CCDC91: variants seen among roughly 807,000 people sequenced by gnomAD.
CCDC91 encodes coiled-coil domain containing 91.
CCDC91 carries 48 observed loss-of-function variants against 63.2 expected under a neutral mutation model. That is an observed-to-expected ratio of 0.76 (90% confidence interval 0.60 to 0.97). The LOEUF is 0.97. CCDC91 is among the 50% of genes least tolerant of loss of function. The probability of loss-of-function intolerance (pLI) is 0.00; values close to 1 mark genes in which losing one functional copy is unlikely to be tolerated. For synonymous variants in CCDC91, 167 were observed against 165.8 expected, an observed-to-expected ratio of 1.01 and a Z score of -0.06; for missense variants, 500 against 494.6, an observed-to-expected ratio of 1.01 and a Z score of -0.10.
At chr12:28,267,729 T>C (rs867858727) in intron 3 of CCDC91, among the ~76,000 whole-genome samples, 2 of 30,954 alleles carry the variant, frequency 6.5e-5, no homozygotes, top group East Asian at 2.5e-3. Context: ...ATATATTATT[T>C]ATTATATATA....
intron 12 of CCDC91, among the ~76,000 whole-genome samples, chr12:28,544,266 AC>A (rs972529178): frequency 1.3e-4 from 19 of 151,156 alleles, no homozygotes; most frequent in African/African-American, 4.6e-4. Context: ...CCAAGTCTGC[AC>A]CCCCCTTTTG....
chr12:28,325,863 G>A (rs1940945481), intron 6 of CCDC91, among the ~76,000 whole-genome samples: 1 of 151,982 alleles, frequency 6.6e-6, no homozygotes, highest in East Asian at 1.9e-4. Context: ...TTCTATTTTA[G>A]TTGTGTTTAA....
At chr12:28,377,713 C>T (rs569583494) in intron 7 of CCDC91, among the ~76,000 whole-genome samples, 1 of 152,014 alleles carries the variant, frequency 6.6e-6, no homozygotes, top group South Asian at 2.1e-4. Flanking sequence ...AAGCAGAATA[C>T]ATTTTAAAAA....
At chr12:28,284,653 C>G (rs1228180637) in intron 3 of CCDC91, among the ~76,000 whole-genome samples, 1 of 134,834 alleles carries the variant, frequency 7.4e-6, no homozygotes, top group Non-Finnish European at 1.6e-5. Context: ...AACTAGGTCT[C>G]AAAAAAAAAA....
At chr12:28,536,627 T>G (rs1942200082) in intron 12 of CCDC91, among the ~76,000 whole-genome samples, 1 of 152,198 alleles carries the variant, frequency 6.6e-6, no homozygotes, top group Non-Finnish European at 1.5e-5. Context: ...TACTGCCTAC[T>G]TAATTTATGA....
At chr12:28,328,023 A>G (rs1468223630) in intron 6 of CCDC91, among the ~76,000 whole-genome samples, 1 of 152,116 alleles carries the variant, frequency 6.6e-6, no homozygotes, top group African/African-American at 2.4e-5. Flanking sequence ...TCTTGGTAAT[A>G]TAGGGGCACT....
chr12:28,223,725 T>G (rs1274369552), intron 1 of CCDC91, among the ~76,000 whole-genome samples: 1 of 152,252 alleles, frequency 6.6e-6, no homozygotes, highest in Non-Finnish European at 1.5e-5. Context: ...GGTGTTAACT[T>G]ATACTATTGT....
intron 11 of CCDC91, among the ~76,000 whole-genome samples, chr12:28,479,056 G>C (rs1049328369): frequency 6.6e-6 from 1 of 152,144 alleles, no homozygotes; most frequent in Admixed American, 6.6e-5. Flanking sequence ...ACAGTATGGC[G>C]ATTCCTCGAG....
chr12:28,503,500 G>A (rs1938250769), intron 12 of CCDC91, among the ~76,000 whole-genome samples: 1 of 152,172 alleles, frequency 6.6e-6, no homozygotes. Context: ...CTGTAAACTA[G>A]TTCAACCATT....
chr12:28,321,057 CAA>C (rs2137418496), intron 6 of CCDC91, among the ~76,000 whole-genome samples: 1 of 151,918 alleles, frequency 6.6e-6, no homozygotes, highest in East Asian at 1.9e-4. Flanking sequence ...AACTGTTTAA[CAA>C]TGCAGAGAAT....
chr12:28,496,920 GTATATATATACA>G (rs951724782), intron 12 of CCDC91, among the ~76,000 whole-genome samples: 25 of 142,662 alleles, frequency 1.8e-4, no homozygotes, highest in African/African-American at 4.1e-4. Context: ...CATATATAAG[GTATATATATACA>G]TATATATATA....
intron 12 of CCDC91, among the ~76,000 whole-genome samples, chr12:28,528,750 T>C (rs1481985236): frequency 6.6e-6 from 1 of 152,150 alleles, no homozygotes; most frequent in Non-Finnish European, 1.5e-5. Context: ...TTTTTATGTT[T>C]GTTTTTTTAG....
chr12:28,211,148 T>C (rs1943207800), intron 1 of CCDC91, among the ~76,000 whole-genome samples: 1 of 150,490 alleles, frequency 6.6e-6, no homozygotes, highest in South Asian at 2.1e-4. Context: ...TTGTGTTAAT[T>C]AAAACTTCAC....
chr12:28,292,880 T>C (rs1379084256), intron 3 of CCDC91, among the ~76,000 whole-genome samples: 1 of 152,196 alleles, frequency 6.6e-6, no homozygotes, highest in Non-Finnish European at 1.5e-5. Flanking sequence ...TCTGTTTATG[T>C]ACAATAATAC....
intron 8 of CCDC91, among the ~76,000 whole-genome samples, chr12:28,422,857 T>C (rs1374621834): frequency 6.6e-6 from 1 of 152,126 alleles, no homozygotes; most frequent in East Asian, 1.9e-4. Context: ...GTCCTACTCA[T>C]TGGTTGGGAA....
chr12:28,299,403 C>A (rs1937786615), intron 3 of CCDC91, among the ~76,000 whole-genome samples: 1 of 151,422 alleles, frequency 6.6e-6, no homozygotes, highest in South Asian at 2.1e-4. Context: ...TACTATGTCC[C>A]AAAGTAACTT....
chr12:28,208,390 ATATAT>A (rs1346788638), intron 1 of CCDC91, among the ~76,000 whole-genome samples: 22 of 152,228 alleles, frequency 1.4e-4, no homozygotes, highest in African/African-American at 5.1e-4. Flanking sequence ...ATTTTGGAAC[ATATAT>A]TAATATAATT....
chr12:28,511,779 T>G (rs561255450), intron 12 of CCDC91, among the ~76,000 whole-genome samples: 1 of 151,960 alleles, frequency 6.6e-6, no homozygotes, highest in South Asian at 2.1e-4. Flanking sequence ...GGAAAAAAAA[T>G]GATGTGGTCC....
At chr12:28,309,894 T>G (rs1170450989) in intron 6 of CCDC91, among the ~76,000 whole-genome samples, 1 of 152,030 alleles carries the variant, frequency 6.6e-6, no homozygotes, top group Non-Finnish European at 1.5e-5. Context: ...CCCTTTTTAT[T>G]TTTTTCTTTT....
Sources: allele counts gnomAD v4.1 joint callset (sites outside exome capture counted in the v4.1 genomes callset), GRCh38; gene constraint gnomAD v4.1.1; transcripts MANE v1.5; gene names NCBI Gene and HGNC (gene_info 2026-07-23, HGNC 2026-07-21).